Variants in TIPARP observed in about 807,000 individuals in gnomAD.
TIPARP encodes the protein TCDD inducible poly(ADP-ribose) polymerase, also known as protein mono-ADP-ribosyltransferase TIPARP.
In TIPARP, 12 loss-of-function variants were observed where a neutral mutation model predicts 56.5. The ratio of observed to expected loss-of-function variants is 0.21; its 90% CI spans 0.14 to 0.34. TIPARP has a LOEUF of 0.34. Ranked by LOEUF, TIPARP falls within the 10% of genes least tolerant of loss-of-function variation. The pLI, the probability that TIPARP is intolerant of heterozygous loss-of-function variation, is 1.00. For synonymous variants in TIPARP, 296 were observed against 265.7 expected (o/e 1.11, Z -1.11); for missense variants, 604 against 781.6 (o/e 0.77, Z 2.71).
chr3:156,689,565 C>T (rs1046659137), intron 2 of TIPARP, among the ~76,000 whole-genome samples: 70 of 152,212 alleles, frequency 4.6e-4, no homozygotes, highest in African/African-American at 1.7e-3. Context: ...CAAGTCTGGA[C>T]TTTGTTGTAA....
At chr3:156,680,196 T>G (rs185865063) in intron 2 of TIPARP, among the ~76,000 whole-genome samples, 2 of 152,164 alleles carry the variant, frequency 1.3e-5, no homozygotes, top group South Asian at 2.1e-4. Flanking sequence ...AAGAGTGTAG[T>G]TTTCCTGACT....
At chr3:156,675,287 C>T (rs1474319061) in intron 1 of TIPARP, 3 of 152,350 alleles carry the variant, frequency 2.0e-5, no homozygotes, top group African/African-American at 2.4e-5. Context: ...GCGCACAAGT[C>T]TTCGTCTTCC....
At chr3:156,698,703 A>G (rs536651724) in intron 4 of TIPARP, among the ~76,000 whole-genome samples, 43 of 152,330 alleles carry the variant, frequency 2.8e-4, no homozygotes, top group African/African-American at 8.2e-4. Context: ...CATGCCTGCT[A>G]TACAACATCC....
chr3:156,688,807 C>T (rs905752835), intron 2 of TIPARP, among the ~76,000 whole-genome samples: 6 of 152,180 alleles, frequency 3.9e-5, no homozygotes, highest in Admixed American at 2.0e-4. Flanking sequence ...TCTTTAGCAG[C>T]GGCAAACATA....
intron 2 of TIPARP, among the ~76,000 whole-genome samples, chr3:156,689,456 T>A (rs953915255): frequency 1.3e-5 from 2 of 152,224 alleles, no homozygotes; most frequent in African/African-American, 2.4e-5. Context: ...TATCCTAATA[T>A]TTAGCAGTTG....
intron 1 of TIPARP, chr3:156,675,840 T>G (rs1000718605): frequency 1.3e-5 from 2 of 152,214 alleles, no homozygotes; most frequent in Admixed American, 1.3e-4. Flanking sequence ...CTTCTCATCT[T>G]TATTTTTCTG....
Position 156,681,455 on chromosome 3 carries a change from A to C in TIPARP, c.917+2841A>C, listed in dbSNP as rs575616445. On this transcript the variant is annotated intron_variant, in intron 2 of 5. Transcript: ENST00000295924. ...TTCATTGTGTGATATACTTGGGGAA[A>C]GTTCATAGTTCTGGGTCTCTAGCAG... Among the ~76,000 whole-genome samples the C allele has an allele frequency of 3.3e-5, 5 of 152,326 alleles. No homozygotes were observed. The South Asian group carries it at 1.0e-3, about 32-fold the overall frequency.
At chr3:156,699,473 G>A (rs1048995152) in intron 4 of TIPARP, among the ~76,000 whole-genome samples, 2 of 152,106 alleles carry the variant, frequency 1.3e-5, no homozygotes, top group South Asian at 2.1e-4. Context: ...CTCACCAAAG[G>A]CTCAGATGAT....
chr3:156,677,566 C>T, intron 1 of TIPARP, 91 bp from the exon 2 acceptor site: 1 of 812,444 alleles, frequency 1.2e-6, no homozygotes, highest in Middle Eastern at 2.4e-4. Context: ...TTCAGGGAAT[C>T]AGTCAGGACA....
Position 156,705,401 on chromosome 3 carries a change from A to G in TIPARP, c.*270A>G, listed in dbSNP as rs553431844. On this transcript the variant is annotated 3_prime_UTR_variant, in exon 6 of 6. Coordinates refer to ENST00000295924, the MANE Select transcript of TIPARP (RefSeq NM_015508.5). ...ACTCTTTTCATTCACACTTGTACATATAGACAGCAATGTTATTAGGAGCAT... is the reference window on the plus strand; with the variant it reads ...ACTCTTTTCATTCACACTTGTACATGTAGACAGCAATGTTATTAGGAGCAT... 9 of 267,206 alleles carry G rather than the reference A, an allele frequency of 3.4e-5. No individual in the cohort carries two copies. The Middle Eastern group carries it at 4.5e-3, about 133-fold the overall frequency. The allele number at this position is 267,206 out of a possible 1,614,324, so 16.6% of individuals were successfully genotyped here.
intron 2 of TIPARP, among the ~76,000 whole-genome samples, chr3:156,684,786 A>G (rs1479862299): frequency 6.6e-6 from 1 of 152,162 alleles, no homozygotes; most frequent in African/African-American, 2.4e-5. Flanking sequence ...ATATTTATAG[A>G]TTGTTTATGA....
intron 4 of TIPARP, among the ~76,000 whole-genome samples, chr3:156,699,260 A>G (rs1012778340): frequency 6.6e-6 from 1 of 152,246 alleles, no homozygotes; most frequent in Non-Finnish European, 1.5e-5. Flanking sequence ...TGCAACTTTG[A>G]AAGAAGTTCT....
At position 156,705,925 on chromosome 3, in the gene TIPARP, A is replaced by G. The variant is rs1722969551; in HGVS notation, c.*794A>G. ...AAGGAGTTGGGCAGCTAATTTGGTT[A>G]AAGGCAGTCTTGAGGGTTAGAAGTA... is the stretch of plus-strand genomic sequence containing the variant. On this transcript the variant is annotated 3_prime_UTR_variant, in exon 6 of 6. Transcript: ENST00000295924. 6.5e-6 allele frequency: 1 copy of G among 152,680 alleles called. No homozygotes were observed. Among genetic ancestry groups the G allele is most frequent in the Non-Finnish European group, 1.5e-5 (1 of 68,046 alleles). The allele number at this position is 152,680 out of a possible 1,614,324, so 9.5% of individuals were successfully genotyped here. A position where few individuals can be genotyped will look rare whatever the true frequency, so the allele number is the denominator to read the frequency against.
chr3:156,694,535 G>C (rs182365712), intron 3 of TIPARP, among the ~76,000 whole-genome samples: 1 of 152,136 alleles, frequency 6.6e-6, no homozygotes, highest in African/African-American at 2.4e-5. Context: ...ATTATATCTG[G>C]CTCTTGGGCT....
intron 1 of TIPARP, 145 bp downstream of exon 1, chr3:156,674,941 G>T (rs1194649512): frequency 6.6e-6 from 1 of 152,494 alleles, no homozygotes; most frequent in Non-Finnish European, 1.5e-5. Context: ...TTTTGAGACT[G>T]CCCTTTGTAC....
chr3:156,681,292 T>C (rs1577034640), intron 2 of TIPARP: 1 of 428,888 alleles, frequency 2.3e-6, no homozygotes. Flanking sequence ...AGGAAGTGTG[T>C]GTTCAGCTGT....
chr3:156,687,390 A>G (rs557081364), intron 2 of TIPARP, among the ~76,000 whole-genome samples: 1 of 152,250 alleles, frequency 6.6e-6, no homozygotes, highest in African/African-American at 2.4e-5. Context: ...TCCACATTTT[A>G]TTGGAAAGTG....
At position 156,677,636 on chromosome 3, in the gene TIPARP, TCTTC is replaced by T. The variant is rs1299422144; in HGVS notation, c.-41-13_-41-10del. 17 of 1,462,482 alleles carry T rather than the reference TCTTC, an allele frequency of 1.2e-5. No individual in the cohort carries two copies. The highest frequency in any genetic ancestry group is 1.4e-5 in the African/African-American group (1 of 70,694). The allele number at this position is 1,462,482 out of a possible 1,614,324, so 90.6% of individuals were successfully genotyped here. ...GTTGCTGTCAGTTTGTAAATGATCA[TCTTC>T]CTTCCTTTCCTCGTAGGATTTTTAG... On this transcript the variant is annotated splice_polypyrimidine_tract_variant and intron_variant, in intron 1 of 5. Coordinates refer to ENST00000295924, the MANE Select transcript of TIPARP (RefSeq NM_015508.5).
chr3:156,675,402 G>T (rs77317949), intron 1 of TIPARP: 1 of 152,356 alleles, frequency 6.6e-6, no homozygotes. Context: ...GTGAGCTGAG[G>T]GGGTAAAGAA....
Sources: gnomAD v4.1 joint callset for allele counts (sites outside exome capture counted in the v4.1 genomes callset) on GRCh38, gnomAD v4.1.1 for gene constraint, MANE v1.5 for transcripts, NCBI Gene and HGNC (gene_info 2026-07-23, HGNC 2026-07-21) for gene names.